Variants in CNN3 observed in about 807,000 individuals in gnomAD.
The protein encoded by CNN3 is calponin 3.
CNN3 carries 11 observed loss-of-function variants against 39.0 expected under a neutral mutation model. The observed-to-expected ratio is 0.28, with a 90% CI of 0.18 to 0.47. CNN3 has a LOEUF of 0.47. CNN3 is among the 20% of genes least tolerant of loss of function. The pLI is 0.99. For missense variants in CNN3, 266 were observed against 403.4 expected (o/e 0.66, Z 2.92); for synonymous variants, 101 against 138.3 (o/e 0.73, Z 1.89).
intron 1 of CNN3, among the ~76,000 whole-genome samples, chr1:94,905,097 G>A (rs529999966): frequency 2.6e-4 from 40 of 152,240 alleles, no homozygotes; most frequent in African/African-American, 9.6e-4. Context: ...ATAGGACTGT[G>A]GGCTGCATTC....
At chr1:94,911,225 G>A (rs76981798) in intron 1 of CNN3, among the ~76,000 whole-genome samples, 1,620 of 152,274 alleles carry the variant, frequency 0.011, 25 homozygotes, top group African/African-American at 0.038. Context: ...TGGCACGAAC[G>A]TGCTAAAGAT....
In CNN3 at chr1:94,915,018, G is replaced by A. The variant is rs552343677; in HGVS notation, c.58-11494C>T. ...CCCACCTCAGCCTCCTGAGTAGCTA[G>A]GACTATAGGCATGTGCCACTACAGC... On this transcript the variant is annotated intron_variant, in intron 1 of 6. Transcript: ENST00000370206. 1.2e-3 allele frequency among the ~76,000 whole-genome samples: 179 copies of A among 152,144 alleles called. 1 individual carries two copies. In the Middle Eastern group the frequency reaches 0.014, roughly 12 times the overall value.
chr1:94,913,369 A>C (rs1671210474), intron 1 of CNN3, among the ~76,000 whole-genome samples: 1 of 152,228 alleles, frequency 6.6e-6, no homozygotes, highest in Admixed American at 6.5e-5. Context: ...TAGACTGGAG[A>C]AGTCAATTTG....
chr1:94,900,923 A>T (rs1670845707), intron 5 of CNN3, among the ~76,000 whole-genome samples: 1 of 152,192 alleles, frequency 6.6e-6, no homozygotes, highest in Non-Finnish European at 1.5e-5. Context: ...TAAGGAATTT[A>T]TAAAGTACAT....
chr1:94,915,593 C>T (rs1385821936), intron 1 of CNN3, among the ~76,000 whole-genome samples: 3 of 152,200 alleles, frequency 2.0e-5, no homozygotes, highest in Non-Finnish European at 4.4e-5. Flanking sequence ...TATGCCCCAA[C>T]ACAAAGGTCT....
intron 1 of CNN3, among the ~76,000 whole-genome samples, chr1:94,911,257 T>G (rs113657400): frequency 1.2e-4 from 19 of 152,166 alleles, no homozygotes; most frequent in African/African-American, 4.3e-4. Flanking sequence ...GAACTAGACA[T>G]TTAAAAGCTG....
At chr1:94,922,902 C>T (rs1403804894) in intron 1 of CNN3, among the ~76,000 whole-genome samples, 1 of 152,232 alleles carries the variant, frequency 6.6e-6, no homozygotes, top group East Asian at 1.9e-4. Context: ...TGGGAAGCTG[C>T]TTTGCTCAAA....
rs1671597380 is a variant in CNN3, at chr1:94,926,823, C to T, written c.57+15G>A. ...GTGCCCCGGGGGCCCCCGCGCCCGC[C>T]CGAGCCAGGCGTACCTTGTTCTTGA... On this transcript the variant is annotated intron_variant, in intron 1 of 6. Coordinates refer to ENST00000370206, the MANE Select transcript of CNN3 (RefSeq NM_001839.5). The surrounding 1 kb of genome is among the most constrained non-coding windows in gnomAD (Gnocchi z 4.2). The T allele has an allele frequency of 6.2e-7, 1 of 1,610,352 alleles. No individual in the cohort carries two copies. The highest frequency in any genetic ancestry group is 8.5e-7 in the Non-Finnish European group (1 of 1,178,348).
intron 2 of CNN3, 37 bp from the exon 3 acceptor site, chr1:94,903,225 G>T: frequency 6.3e-7 from 1 of 1,595,124 alleles, no homozygotes; most frequent in South Asian, 1.1e-5. Context: ...TTATTTACTG[G>T]CACACAAAAA....
chr1:94,902,435 A>T (rs570503558), intron 3 of CNN3, among the ~76,000 whole-genome samples, 177 bp from the exon 4 acceptor site: 5 of 152,318 alleles, frequency 3.3e-5, no homozygotes, highest in Non-Finnish European at 7.3e-5. Flanking sequence ...GCAAGAAGAG[A>T]GTGTGTCTCT....
At chr1:94,909,137 ACT>A (rs1671094271) in intron 1 of CNN3, among the ~76,000 whole-genome samples, 1 of 152,044 alleles carries the variant, frequency 6.6e-6, no homozygotes, top group African/African-American at 2.4e-5. Flanking sequence ...GCAAAGTGAG[ACT>A]CTGTCTTTAA....
chr1:94,912,409 A>C (rs187191320), intron 1 of CNN3, among the ~76,000 whole-genome samples: 2 of 152,204 alleles, frequency 1.3e-5, no homozygotes, highest in East Asian at 3.9e-4. Flanking sequence ...GCCTGCTCCC[A>C]CTCCATCCCC....
At position 94,926,721 on chromosome 1, in the gene CNN3, G is replaced by T; in HGVS notation, c.57+117C>A. ...GCAGAGACGCTCGCGCCGCCTCGAC[G>T]GCCCCTCTCCAGGAAAACGGTGAGC... On this transcript the variant is annotated intron_variant, in intron 1 of 6. Transcript: ENST00000370206. The surrounding 1 kb of genome is among the most constrained non-coding windows in gnomAD (Gnocchi z 4.2). 8.6e-7 allele frequency: 1 copy of T among 1,166,842 alleles called. No individual in the cohort carries two copies. Among genetic ancestry groups the T allele is most frequent in the Non-Finnish European group, 1.2e-6 (1 of 807,678 alleles). The allele number at this position is 1,166,842 out of a possible 1,614,324, so 72.3% of individuals were successfully genotyped here.
chr1:94,903,695 TAAC>T (rs140801492), intron 1 of CNN3, among the ~76,000 whole-genome samples, 171 bp from the exon 2 acceptor site: 8,945 of 152,236 alleles, frequency 0.059, 355 homozygotes, highest in African/African-American at 0.1. Flanking sequence ...CAGTAACTAA[TAAC>T]AAATTTTTGG....
chr1:94,925,911 G>T, intron 1 of CNN3: 1 of 731,020 alleles, frequency 1.4e-6, no homozygotes, highest in Non-Finnish European at 1.7e-6. Flanking sequence ...GGCTTGGAAT[G>T]CAGGGAGGGA....
chr1:94,900,881 C>T lies in CNN3; in HGVS notation c.501+788G>A, dbSNP rs1259445147. On this transcript the variant is annotated intron_variant, in intron 5 of 6. Transcript: ENST00000370206. ...AAATAAGTGACTTTGGCATTAAGGT[C>T]GTGTAAAATTGCCTAATTTGGTCAA... Among the ~76,000 whole-genome samples the T allele has an allele frequency of 3.4e-4, 52 of 152,198 alleles. 1 individual carries two copies. Among genetic ancestry groups the T allele is most frequent in the Admixed American group, 3.3e-3 (50 of 15,278 alleles).
At chr1:94,906,799 G>A (rs1004987736) in intron 1 of CNN3, among the ~76,000 whole-genome samples, 10 of 152,178 alleles carry the variant, frequency 6.6e-5, no homozygotes, top group African/African-American at 2.4e-4. Context: ...GGATGGTGAT[G>A]GTAATTCTCA....
intron 1 of CNN3, among the ~76,000 whole-genome samples, chr1:94,912,028 T>G (rs1671179489): frequency 6.6e-6 from 1 of 152,142 alleles, no homozygotes; most frequent in Middle Eastern, 3.4e-3. Flanking sequence ...ATCATGCCAT[T>G]GCACTCCAGC....
At chr1:94,907,454 G>T (rs1671032621) in intron 1 of CNN3, among the ~76,000 whole-genome samples, 1 of 152,146 alleles carries the variant, frequency 6.6e-6, no homozygotes, top group African/African-American at 2.4e-5. Flanking sequence ...TCAACATCTG[G>T]CAGAAAAACG....
Sources: allele counts gnomAD v4.1 joint callset (sites outside exome capture counted in the v4.1 genomes callset), GRCh38; gene constraint gnomAD v4.1.1; non-coding constraint Gnocchi (gnomAD v3.1); transcripts MANE v1.5; gene names NCBI Gene and HGNC (gene_info 2026-07-23, HGNC 2026-07-21).